Variants in C5orf34 observed in about 807,000 individuals in gnomAD.
The protein encoded by C5orf34 is chromosome 5 open reading frame 34.
A neutral mutation model predicts 78.4 loss-of-function variants in C5orf34; 73 were observed. The observed-to-expected ratio is 0.93, with a 90% CI of 0.77 to 1.13. C5orf34 has a LOEUF of 1.13. Ranked by LOEUF, C5orf34 falls within the 50% of genes most tolerant of loss-of-function variation. The pLI, the probability that C5orf34 is intolerant of heterozygous loss-of-function variation, is 0.00. For missense variants in C5orf34, 730 were observed against 732.7 expected, an observed-to-expected ratio of 1.00 and a Z score of 0.04; for synonymous variants, 251 against 246.6, an observed-to-expected ratio of 1.02 and a Z score of -0.17.
At position 43,511,451 on chromosome 5, in the gene C5orf34, TG is replaced by T. The variant is rs536512834; in HGVS notation, c.-36-2077del. Among the ~76,000 whole-genome samples, 714 of 147,240 alleles carry T rather than the reference TG, an allele frequency of 4.8e-3. 6 individuals are homozygous for T. The highest frequency in any genetic ancestry group is 0.016 in the African/African-American group (643 of 39,320). ...CCCGGCCGCCGCCCCAACCGGGAGG[TG>T]GGGGGCGCCTCTGCCTGGCCGCCCC... On this transcript the variant is annotated intron_variant, in intron 1 of 12. Transcript: ENST00000306862.
chr5:43,499,613 A>T (rs979027079), intron 6 of C5orf34, among the ~76,000 whole-genome samples: 18 of 152,170 alleles, frequency 1.2e-4, no homozygotes, highest in African/African-American at 4.3e-4. Context: ...TTCAGTGTGT[A>T]TTTGCCCAGG....
Position 43,487,910 on chromosome 5 carries a change from G to C in C5orf34, c.1719C>G (p.Asn573Lys). 1 of 1,602,886 alleles carries C rather than the reference G, an allele frequency of 6.2e-7. No homozygotes were observed. Among genetic ancestry groups the C allele is most frequent in the Non-Finnish European group, 8.5e-7 (1 of 1,172,288 alleles). ...CAGTGCATTCTGTTTAAAGGATACA[G>C]TTAAACTTCTGTATCTTTTCAAGTT... Reference protein sequence around the residue: ...ASELEKIQKFNLLLENSGILN... With the variant: ...ASELEKIQKFKLLLENSGILN... Residue 573 changes from asparagine to lysine, a missense_variant and splice_region_variant, in exon 12 of 13, where the codon AAC becomes AAG. Transcript: ENST00000306862.
intron 3 of C5orf34, among the ~76,000 whole-genome samples, chr5:43,508,024 G>A (rs1746066748): frequency 6.8e-6 from 1 of 147,458 alleles, no homozygotes; most frequent in African/African-American, 2.5e-5. Context: ...GTTGCAGTGA[G>A]CCGAGATCGT....
At position 43,506,289 on chromosome 5, in the gene C5orf34, G is replaced by A. The variant is rs776936760; in HGVS notation, c.391C>T (p.His131Tyr). 2.5e-5 allele frequency: 40 copies of A among 1,613,990 alleles called. No homozygotes were observed. The Admixed American group carries it at 5.3e-4, about 22-fold the overall frequency. Reference protein sequence around the residue: ...GIVKITSLDGHAYLCLPRSQH... With the variant: ...GIVKITSLDGYAYLCLPRSQH... ...GATCTGGGCAGGCAGAGGTATGCAT[G>A]ACCATCTAAAGATGTTATCTTCACA... The change falls in exon 4 of 13, where the codon CAT (histidine) becomes TAT (tyrosine). Residue 131 changes from histidine (H) to tyrosine (Y), a missense_variant. Physicochemically the swap from His to Tyr is moderately conservative, Grantham distance 83 (BLOSUM62 2). Transcript: ENST00000306862.
intron 6 of C5orf34, among the ~76,000 whole-genome samples, chr5:43,500,309 G>T (rs1464779355): frequency 6.6e-6 from 1 of 151,898 alleles, no homozygotes; most frequent in African/African-American, 2.4e-5. Context: ...GGGTATTTTG[G>T]TTTTTTGGTC....
chr5:43,497,824 A>G (rs1745606281), intron 6 of C5orf34, among the ~76,000 whole-genome samples: 2 of 152,294 alleles, frequency 1.3e-5, no homozygotes, highest in African/African-American at 4.8e-5. Flanking sequence ...CCTCAACATC[A>G]CCATGTTAAA....
At chr5:43,509,945 G>A (rs945264639) in intron 1 of C5orf34, among the ~76,000 whole-genome samples, 1 of 151,908 alleles carries the variant, frequency 6.6e-6, no homozygotes, top group Non-Finnish European at 1.5e-5. Context: ...AGTAGAGACG[G>A]GGTTTTACCA....
At chr5:43,490,750 G>C in intron 10 of C5orf34, 21 bp from the exon 11 acceptor site, 3 of 1,214,780 alleles carry the variant, frequency 2.5e-6, no homozygotes, top group Non-Finnish European at 3.6e-6. Flanking sequence ...TACATTAAAA[G>C]AAATACTTGA....
chr5:43,493,411 C>A (rs967156536), intron 8 of C5orf34, 132 bp downstream of exon 8: 9 of 604,380 alleles, frequency 1.5e-5, no homozygotes, highest in African/African-American at 1.2e-4. Context: ...AGGTATTTTT[C>A]TGAATAAACC....
chr5:43,509,182 A>G lies in C5orf34; in HGVS notation c.158T>C (p.Ile53Thr), dbSNP rs767438422. The G allele has an allele frequency of 1.2e-6, 2 of 1,613,666 alleles. No individual in the cohort carries two copies. The highest frequency in any genetic ancestry group is 1.3e-5 in the African/African-American group (1 of 74,912). The change falls in exon 2 of 13, where the codon ATT becomes ACT. Residue 53 changes from isoleucine (I) to threonine (T), a missense_variant. Ile to Thr is a moderately conservative substitution (Grantham distance 89, BLOSUM62 -1). Transcript: ENST00000306862. ...AATGACAAAATGTGTCCTTTGACGA[A>G]TTCTTTCTGGTTGTTCTAAAGGATG... is the stretch of plus-strand genomic sequence containing the variant. ...SAHPLEQPER[I>T]RQRTHFVIST...
At chr5:43,489,218 T>C (rs1229627101) in intron 11 of C5orf34, among the ~76,000 whole-genome samples, 4 of 152,064 alleles carry the variant, frequency 2.6e-5, no homozygotes, top group Non-Finnish European at 5.9e-5. Flanking sequence ...GACTAAAAAG[T>C]TGAATTAATA....
intron 4 of C5orf34, 73 bp downstream of exon 4, chr5:43,505,675 T>TA: frequency 7.0e-7 from 1 of 1,438,414 alleles, no homozygotes; most frequent in Non-Finnish European, 9.2e-7. Context: ...TGGTATCAGA[T>TA]AAAAAGAAAA....
Position 43,487,921 on chromosome 5 carries a change from G to GT in C5orf34, c.1707dup (p.Gln570ThrfsTer4). Reference sequence around the variant, plus strand: ...GTTTAAAGGATACAGTTAAACTTCTGTATCTTTTCAAGTTCAGAAGCAACA... The same window carrying GT: ...GTTTAAAGGATACAGTTAAACTTCTGTTATCTTTTCAAGTTCAGAAGCAACA... On this transcript the variant is annotated frameshift_variant, in exon 12 of 13. Transcript: ENST00000306862. LOFTEE classifies it high-confidence loss of function. 1.2e-6 allele frequency: 2 copies of GT among 1,604,778 alleles called. No homozygotes were observed. Among genetic ancestry groups the GT allele is most frequent in the South Asian group, 2.2e-5 (2 of 90,120 alleles).
At chr5:43,513,006 A>G (rs1746338607) in intron 1 of C5orf34, among the ~76,000 whole-genome samples, 1 of 150,452 alleles carries the variant, frequency 6.6e-6, no homozygotes, top group African/African-American at 2.5e-5. Flanking sequence ...ATGGTCTGGA[A>G]CTCCACACCT....
At chr5:43,511,851 A>G (rs966338847) in intron 1 of C5orf34, among the ~76,000 whole-genome samples, 9 of 152,066 alleles carry the variant, frequency 5.9e-5, no homozygotes, top group African/African-American at 1.9e-4. Context: ...AAGAGTCATC[A>G]CCACTCCCTA....
rs1361021293 is a variant in C5orf34 at position 43,509,321 on chromosome 5, T to C, written c.19A>G (p.Met7Val). MAAELR[M>V]ILYEDDSVQV... The stretch of plus-strand genomic sequence containing the variant: ...ACTGAATCATCTTCATAAAGTATCA[T>C]TCGCAGTTCAGCTGCCATTACAACG... Residue 7 changes from methionine (M) to valine (V), a missense_variant, in exon 2 of 13, where the codon ATG (methionine) becomes GTG (valine). Physicochemically the swap from Met to Val is conservative, Grantham distance 21 (BLOSUM62 1). Transcript: ENST00000306862. 2 of 1,610,018 alleles carry C rather than the reference T, an allele frequency of 1.2e-6. No individual in the cohort carries two copies. Among genetic ancestry groups the C allele is most frequent in the African/African-American group, 1.3e-5 (1 of 74,386 alleles).
chr5:43,492,587 A>C, intron 9 of C5orf34, 133 bp downstream of exon 9: 2 of 770,248 alleles, frequency 2.6e-6, no homozygotes, highest in Non-Finnish European at 4.2e-6. Context: ...GGAAATCCAA[A>C]GAGATCAGTA....
rs766480705 is a variant in C5orf34, at chr5:43,493,630, A to T, written c.1245-18T>A. 1.4e-6 allele frequency: 2 copies of T among 1,467,324 alleles called. No individual in the cohort carries two copies. Among genetic ancestry groups the T allele is most frequent in the Non-Finnish European group, 1.9e-6 (2 of 1,071,134 alleles). The allele number at this position is 1,467,324 out of a possible 1,614,324, so 90.9% of individuals were successfully genotyped here. Reference sequence around the variant, plus strand: ...GAAGAATTCTGTGAACACAAAAAATACTACTTAAACATTTGCAAATGACAT... The same window carrying T: ...GAAGAATTCTGTGAACACAAAAAATTCTACTTAAACATTTGCAAATGACAT... On this transcript the variant is annotated intron_variant, in intron 7 of 12. Transcript: ENST00000306862.
rs6872851 is a variant in C5orf34, at chr5:43,509,246, A to T, written c.94T>A (p.Ser32Thr). ...GSTLQLSPCG[S>T]EFLFEKSPPV... ...GGTGACTTTTCAAATAAAAATTCAG[A>T]GCCACAGGGAGAAAGTTGCAATGTG... Residue 32 changes from serine to threonine, a missense_variant, in exon 2 of 13, where the codon TCT (serine) becomes ACT (threonine). Physicochemically the swap from Ser to Thr is moderately conservative, Grantham distance 58 (BLOSUM62 1). Transcript: ENST00000306862. 1,501 of 1,614,128 alleles carry T rather than the reference A, an allele frequency of 9.3e-4. 21 individuals carry two copies. In the African/African-American group the frequency reaches 0.018, roughly 19 times the overall value.
Sources: gnomAD v4.1 joint callset for allele counts (sites outside exome capture counted in the v4.1 genomes callset) on GRCh38, gnomAD v4.1.1 for gene constraint, MANE v1.5 for transcripts, NCBI Gene and HGNC (gene_info 2026-07-23, HGNC 2026-07-21) for gene names.